C1orf105: variants seen among roughly 807,000 people sequenced by gnomAD.
The protein encoded by C1orf105 is uncharacterized protein C1orf105.
A neutral mutation model predicts 20.8 loss-of-function variants in C1orf105; 17 were observed. That is an observed-to-expected ratio of 0.82 (90% CI 0.56 to 1.23). The LOEUF is 1.23. Ranked by LOEUF, C1orf105 falls within the 50% of genes most tolerant of loss-of-function variation. C1orf105 has a pLI of 0.00. For synonymous variants in C1orf105, 72 were observed against 72.1 expected (o/e 1.00, Z 0.01); for missense variants, 219 against 213.5 (o/e 1.03, Z -0.16).
intron 1 of C1orf105, chr1:172,430,196 G>T: frequency 5.2e-6 from 3 of 575,038 alleles, no homozygotes; most frequent in Non-Finnish European, 9.4e-6. Flanking sequence ...CTTTCAGTGT[G>T]GTTTAAATAT....
rs147693946 is a variant in C1orf105 at position 172,468,596 on chromosome 1, C to T, written c.*2C>T. The T allele has an allele frequency of 6.7e-5, 108 of 1,612,024 alleles. No individual in the cohort carries two copies. The highest frequency in any genetic ancestry group is 4.1e-4 in the South Asian group (37 of 90,838). On this transcript the variant is annotated 3_prime_UTR_variant, in exon 7 of 7. Transcript: ENST00000367727. ...ATAGGCAAGACAACGAGGCAGTGAG[C>T]GGTAGGAGCTCATCACCTCCCAGAC...
intron 5 of C1orf105, among the ~76,000 whole-genome samples, chr1:172,464,592 T>G (rs1293547111): frequency 1.3e-5 from 2 of 151,964 alleles, no homozygotes; most frequent in African/African-American, 4.8e-5. Flanking sequence ...CTAACCAAAA[T>G]GTTTTCTCAG....
chr1:172,442,772 A>G (rs1231258138), intron 1 of C1orf105: 2 of 691,200 alleles, frequency 2.9e-6, no homozygotes, highest in Non-Finnish European at 5.1e-6. Flanking sequence ...TTTCAAAGGC[A>G]GGGGCTAGGC....
At chr1:172,460,719 G>A (rs1427008084) in intron 4 of C1orf105, among the ~76,000 whole-genome samples, 2 of 152,092 alleles carry the variant, frequency 1.3e-5, no homozygotes, top group Non-Finnish European at 2.9e-5. Context: ...AATAAATAAT[G>A]ACAACAGAAT....
intron 1 of C1orf105, among the ~76,000 whole-genome samples, chr1:172,435,508 C>T (rs2072012707): frequency 6.6e-6 from 1 of 152,162 alleles, no homozygotes; most frequent in Non-Finnish European, 1.5e-5. Context: ...AAAATTATCT[C>T]AATAAATGCA....
At chr1:172,448,561 C>G (rs1279686115) in intron 3 of C1orf105, 30 bp downstream of exon 3, 2 of 1,282,082 alleles carry the variant, frequency 1.6e-6, no homozygotes, top group African/African-American at 2.9e-5. Flanking sequence ...GAAATGAAAC[C>G]AACAGCAGTT....
At chr1:172,450,036 G>T (rs893317179) in intron 3 of C1orf105, among the ~76,000 whole-genome samples, 1 of 152,190 alleles carries the variant, frequency 6.6e-6, no homozygotes. Context: ...GTAGGAGTGA[G>T]AGGCCATTCT....
At chr1:172,436,441 A>T (rs1010954441) in intron 1 of C1orf105, among the ~76,000 whole-genome samples, 17 of 152,302 alleles carry the variant, frequency 1.1e-4, no homozygotes, top group African/African-American at 3.4e-4. Context: ...AACACCACAC[A>T]TCTACAACCA....
At chr1:172,428,989 G>C (rs1020268925) in intron 1 of C1orf105, among the ~76,000 whole-genome samples, 7 of 152,180 alleles carry the variant, frequency 4.6e-5, no homozygotes, top group African/African-American at 7.2e-5. Context: ...GAGAATAAGG[G>C]ATAAGGGAAC....
chr1:172,432,354 C>T (rs996051088), intron 1 of C1orf105, among the ~76,000 whole-genome samples: 10 of 152,178 alleles, frequency 6.6e-5, no homozygotes, highest in African/African-American at 1.9e-4. Context: ...CGACTGACAC[C>T]TCATACAGGT....
chr1:172,442,044 A>AAG, intron 1 of C1orf105: 1 of 1,614,220 alleles, frequency 6.2e-7, no homozygotes, highest in South Asian at 1.1e-5. Context: ...GGGACCGGGG[A>AAG]AGACGTGATG....
At chr1:172,465,169 G>A (rs9425328) in intron 5 of C1orf105, 130 bp from the exon 6 acceptor site, 255,743 of 324,022 alleles carry the variant, frequency 0.79, 101,733 homozygotes, top group East Asian at 1. Context: ...GGCAACAAGC[G>A]CAAAAACTCC....
chr1:172,432,446 C>G (rs565908238), intron 1 of C1orf105, among the ~76,000 whole-genome samples: 5 of 152,184 alleles, frequency 3.3e-5, no homozygotes, highest in Admixed American at 2.6e-4. Flanking sequence ...TGTTCTGCAG[C>G]CTCCGCTGGT....
chr1:172,458,469 AT>A (rs1376312760), intron 4 of C1orf105, among the ~76,000 whole-genome samples: 3 of 152,240 alleles, frequency 2.0e-5, no homozygotes, highest in Non-Finnish European at 4.4e-5. Flanking sequence ...AGCATCAAAA[AT>A]TATTTAGGAA....
chr1:172,441,658 G>C, intron 1 of C1orf105: 1 of 1,293,298 alleles, frequency 7.7e-7, no homozygotes, highest in Non-Finnish European at 1.1e-6. Context: ...ATGGAACTCT[G>C]TCTTTAAGTT....
chr1:172,461,508 C>T (rs745789931), intron 4 of C1orf105, among the ~76,000 whole-genome samples: 6 of 152,026 alleles, frequency 3.9e-5, no homozygotes, highest in Non-Finnish European at 5.9e-5. Flanking sequence ...AAAAGAAAAC[C>T]AACATCTAGT....
chr1:172,441,617 T>G, intron 1 of C1orf105: 1 of 1,012,576 alleles, frequency 9.9e-7, no homozygotes, highest in Non-Finnish European at 1.4e-6. Flanking sequence ...TGATCTCTAT[T>G]CTCTTACCAC....
rs1445260556 is a variant in C1orf105 at position 172,465,351 on chromosome 1, G to T, written c.394G>T (p.Asp132Tyr). The T allele has an allele frequency of 6.2e-7, 1 of 1,610,742 alleles. No homozygotes were observed. Among genetic ancestry groups the T allele is most frequent in the South Asian group, 1.1e-5 (1 of 91,004 alleles). ...GACTACACCTGAGCCTTTCCATGAT[G>T]ACATCCCAACAGGTTTGCTTTCTTT... ...FQTTPEPFHD[D>Y]IPTESIHYRL... The change falls in exon 6 of 7, where the codon GAC becomes TAC. Residue 132 changes from aspartate to tyrosine, a missense_variant. Asp to Tyr is a radical substitution (Grantham distance 160). Coordinates refer to ENST00000367727, the MANE Select transcript of C1orf105 (RefSeq NM_139240.4).
At chr1:172,447,517 G>C (rs1648143640) in intron 2 of C1orf105, among the ~76,000 whole-genome samples, 1 of 152,158 alleles carries the variant, frequency 6.6e-6, no homozygotes, top group Admixed American at 6.5e-5. Context: ...GGTCTCTGCT[G>C]GTCAGCATTT....
Sources: allele counts gnomAD v4.1 joint callset (sites outside exome capture counted in the v4.1 genomes callset), GRCh38; gene constraint gnomAD v4.1.1; transcripts MANE v1.5; gene names NCBI Gene and HGNC (gene_info 2026-07-23, HGNC 2026-07-21).